Variants in ABCA13 observed in about 807,000 individuals in gnomAD.
The protein encoded by ABCA13 is ATP binding cassette subfamily A member 13.
In ABCA13, 476 loss-of-function variants were observed where a neutral mutation model predicts 478.7. The ratio of observed to expected loss-of-function variants is 0.99; its 90% CI spans 0.92 to 1.07. ABCA13 has a LOEUF of 1.07. Among genes scored for constraint, ABCA13 ranks in the 50% least tolerant of loss-of-function variants. The pLI is 0.00. For missense variants in ABCA13, 6,060 were observed against 5,910.6 expected (o/e 1.03, Z -0.83); for synonymous variants, 2,252 against 2,158.9 (o/e 1.04, Z -1.20).
chr7:48,270,993 A>G (rs1022163005), intron 16 of ABCA13, among the ~76,000 whole-genome samples: 1 of 152,234 alleles, frequency 6.6e-6, no homozygotes, highest in Admixed American at 6.5e-5. Context: ...GATCATTCAC[A>G]GGTCTCACTG....
chr7:48,257,211 T>C (rs1793522404), intron 15 of ABCA13, among the ~76,000 whole-genome samples: 1 of 152,204 alleles, frequency 6.6e-6, no homozygotes, highest in South Asian at 2.1e-4. Flanking sequence ...TTTCTAGGTA[T>C]AGGATTGTAT....
intron 48 of ABCA13, among the ~76,000 whole-genome samples, chr7:48,497,216 A>G (rs1331348011): frequency 6.6e-6 from 1 of 152,122 alleles, no homozygotes; most frequent in Non-Finnish European, 1.5e-5. Context: ...GCTGCACTCA[A>G]CTGTGGAGCA....
intron 59 of ABCA13, among the ~76,000 whole-genome samples, chr7:48,620,493 T>C (rs1177934460): frequency 6.6e-6 from 1 of 152,128 alleles, no homozygotes; most frequent in Non-Finnish European, 1.5e-5. Context: ...TGTAAGATGT[T>C]TAGCACCATC....
At chr7:48,230,025 T>G in intron 7 of ABCA13, 70 bp downstream of exon 7, 1 of 1,503,678 alleles carries the variant, frequency 6.7e-7, no homozygotes, top group Non-Finnish European at 9.0e-7. Context: ...ACAGTTGACA[T>G]AGAGCTAAAA....
intron 55 of ABCA13, among the ~76,000 whole-genome samples, chr7:48,554,658 T>C (rs1017696875): frequency 9.2e-5 from 14 of 151,910 alleles, no homozygotes; most frequent in African/African-American, 2.6e-4. Context: ...TGCTACTGAT[T>C]TTTGTATGTT....
chr7:48,467,575 T>A (rs1289473678), intron 44 of ABCA13, among the ~76,000 whole-genome samples: 1 of 152,188 alleles, frequency 6.6e-6, no homozygotes, highest in Non-Finnish European at 1.5e-5. Context: ...GGCCTTTCTT[T>A]ATAAACACTT....
intron 41 of ABCA13, among the ~76,000 whole-genome samples, chr7:48,418,332 A>C (rs1370105574): frequency 6.6e-6 from 1 of 152,202 alleles, no homozygotes. Context: ...GTTGTTCCAT[A>C]TTCTTGCCAA....
At chr7:48,341,987 C>CTTAAA (rs990911108) in intron 29 of ABCA13, among the ~76,000 whole-genome samples, 1 of 149,034 alleles carries the variant, frequency 6.7e-6, no homozygotes, top group Non-Finnish European at 1.5e-5. Context: ...CTGGCATTAC[C>CTTAAA]TTAACTGCAT....
At chr7:48,622,554 A>G (rs1324461740) in intron 59 of ABCA13, among the ~76,000 whole-genome samples, 1 of 152,078 alleles carries the variant, frequency 6.6e-6, no homozygotes, top group Non-Finnish European at 1.5e-5. Context: ...GTCTTGCATC[A>G]CTATATTCCC....
intron 35 of ABCA13, among the ~76,000 whole-genome samples, chr7:48,382,642 C>G (rs979692681): frequency 1.3e-5 from 2 of 152,140 alleles, no homozygotes; most frequent in Non-Finnish European, 2.9e-5. Flanking sequence ...AATCTAGCAT[C>G]CCTCCCAGCA....
intron 59 of ABCA13, among the ~76,000 whole-genome samples, chr7:48,622,711 A>C (rs1793261860): frequency 6.6e-6 from 1 of 152,208 alleles, no homozygotes; most frequent in Non-Finnish European, 1.5e-5. Context: ...AATCTGGATA[A>C]TAATATTGAG....
Position 48,276,176 on chromosome 7 carries a change from C to A in ABCA13, c.6510C>A (p.Gly2170=). 3.1e-6 allele frequency: 5 copies of A among 1,592,242 alleles called. No homozygotes were observed. Among genetic ancestry groups the A allele is most frequent in the Non-Finnish European group, 4.3e-6 (5 of 1,169,674 alleles). The change falls in exon 17 of 62, where the codon GGC becomes GGA. Residue 2170 remains glycine (G), a synonymous_variant. Transcript: ENST00000435803. ...CCAAAGCTATTGCTACTTTTTGGGG[C>A]TCTTTAAAAAATATATCTAGAGCAG... ...LLAKAIATFW[G]SLKNISRAGN...
rs1410478982 is a variant in ABCA13 at position 48,611,782 on chromosome 7, G to T, written c.14745-3503G>T. On this transcript the variant is annotated intron_variant, in intron 58 of 61. Transcript: ENST00000435803. ...GGGGACACCAACACAAACCATATCA[G>T]ACCTCCACTTGTCTGAACTATGTTT... is the stretch of plus-strand genomic sequence containing the variant. The T allele has an allele frequency of 2.0e-5, 3 of 152,150 alleles. No individual in the cohort carries two copies. The East Asian group carries it at 5.8e-4, about 29-fold the overall frequency. 9.4% of individuals were successfully genotyped at this position (152,150 alleles called of 1,614,324 possible).
At chr7:48,185,259 C>T (rs906434038) in intron 1 of ABCA13, among the ~76,000 whole-genome samples, 1 of 152,186 alleles carries the variant, frequency 6.6e-6, no homozygotes, top group Non-Finnish European at 1.5e-5. Context: ...CTAGGCTCTT[C>T]CACAGGTTGC....
chr7:48,413,694 T>C (rs547044313), intron 41 of ABCA13, among the ~76,000 whole-genome samples: 1 of 152,318 alleles, frequency 6.6e-6, no homozygotes, highest in East Asian at 1.9e-4. Context: ...AGGCAATCTT[T>C]TGTGTGATAA....
At chr7:48,352,823 A>G (rs909120218) in intron 31 of ABCA13, among the ~76,000 whole-genome samples, 1 of 152,054 alleles carries the variant, frequency 6.6e-6, no homozygotes, top group Non-Finnish European at 1.5e-5. Context: ...AACCTTGGGA[A>G]AACTGAGGGA....
chr7:48,493,745 G>A (rs973107947), intron 48 of ABCA13, among the ~76,000 whole-genome samples: 1 of 152,194 alleles, frequency 6.6e-6, no homozygotes, highest in Admixed American at 6.5e-5. Context: ...AATCACTTAA[G>A]CATTTAAAAA....
chr7:48,626,030 A>G (rs1344615836), intron 59 of ABCA13, among the ~76,000 whole-genome samples: 1 of 152,200 alleles, frequency 6.6e-6, no homozygotes, highest in South Asian at 2.1e-4. Flanking sequence ...ACACAATATG[A>G]TAATTGTTCT....
intron 43 of ABCA13, among the ~76,000 whole-genome samples, chr7:48,464,413 G>T (rs1826640906): frequency 6.6e-6 from 1 of 152,118 alleles, no homozygotes. Context: ...AATTATATTA[G>T]GACAGTTGTA....
Sources: allele counts gnomAD v4.1 joint callset (sites outside exome capture counted in the v4.1 genomes callset), GRCh38; gene constraint gnomAD v4.1.1; transcripts MANE v1.5; gene names NCBI Gene and HGNC (gene_info 2026-07-23, HGNC 2026-07-21).